The following FOSL2 variants were observed in gnomAD, a reference collection of about 807,000 sequenced individuals.
FOSL2 encodes the protein FOS like 2, AP-1 transcription factor subunit, also known as fos-related antigen 2.
A neutral mutation model predicts 27.7 loss-of-function variants in FOSL2; 3 were observed. The observed-to-expected ratio is 0.11, with a 90% confidence interval of 0.05 to 0.28. FOSL2 has a LOEUF of 0.28. FOSL2 is among the 10% of genes least tolerant of loss of function. The pLI, the probability that FOSL2 is intolerant of heterozygous loss-of-function variation, is 1.00. For synonymous variants in FOSL2, 179 were observed against 190.1 expected (o/e 0.94, Z 0.48); for missense variants, 333 against 445.1 (o/e 0.75, Z 2.27).
At position 28,393,092 on chromosome 2, in the gene FOSL2, C is replaced by G. The variant is rs1028322602; in HGVS notation, c.-629C>G. The G allele has an allele frequency of 2.4e-6, 1 of 422,214 alleles. No homozygotes were observed. Among genetic ancestry groups the G allele is most frequent in the South Asian group, 3.5e-5 (1 of 28,562 alleles). 26.2% of individuals were successfully genotyped at this position (422,214 alleles called of 1,614,324 possible). ...CAGCGCCAGCTCTACTTGAGCCCCA[C>G]GAGCCGCTGTCCCCCTGGCGCGCTC... is the stretch of plus-strand genomic sequence containing the variant. On this transcript the variant is annotated 5_prime_UTR_variant, in exon 1 of 4. Transcript: ENST00000264716. The surrounding 1 kb of genome is among the most constrained non-coding windows in gnomAD (Gnocchi z 4.6).
chr2:28,412,482 G>A lies in FOSL2; in HGVS notation c.*34G>A. 3 of 1,580,680 alleles carry A rather than the reference G, an allele frequency of 1.9e-6. No individual in the cohort carries two copies. Among genetic ancestry groups the A allele is most frequent in the Non-Finnish European group, 1.7e-6 (2 of 1,167,768 alleles). ...ACCTCCCTCCCCAGCTCCGGAGGGG[G>A]TCCTCCTCGCTCCTCCTTCCCAGGG... On this transcript the variant is annotated 3_prime_UTR_variant, in exon 4 of 4. Transcript: ENST00000264716. The surrounding 1 kb of genome is among the most constrained non-coding windows in gnomAD (Gnocchi z 7.1).
In FOSL2 at chr2:28,393,888, C is replaced by T. The variant is rs899642097; in HGVS notation, c.102+66C>T. On this transcript the variant is annotated intron_variant, in intron 1 of 3. Coordinates refer to ENST00000264716, the MANE Select transcript of FOSL2 (RefSeq NM_005253.4). The surrounding 1 kb of genome is among the most constrained non-coding windows in gnomAD (Gnocchi z 4.6). ...CCCTGCCCTCTTCTCGCCGCCACTG[C>T]CTCTTTTGCTTTCTTTTCTTTTTCT... is the stretch of plus-strand genomic sequence containing the variant. 1.9e-6 allele frequency: 2 copies of T among 1,058,372 alleles called. No individual in the cohort carries two copies. The highest frequency in any genetic ancestry group is 2.8e-6 in the Non-Finnish European group (2 of 726,458). 65.6% of individuals were successfully genotyped at this position (1,058,372 alleles called of 1,614,324 possible). A position where few individuals can be genotyped will look rare whatever the true frequency, so the allele number is the denominator to read the frequency against.
intron 1 of FOSL2, chr2:28,396,838 A>ACACAAACACACACACACACACACACAC (rs1663854590): frequency 6.7e-6 from 1 of 150,372 alleles, no homozygotes; most frequent in African/African-American, 2.5e-5. Flanking sequence ...ACACACACAC[A>ACACAAACACACACACACACACACACAC]AAATTCCCCA....
Position 28,393,064 on chromosome 2 carries a change from T to C in FOSL2, c.-657T>C. On this transcript the variant is annotated 5_prime_UTR_variant, in exon 1 of 4. Transcript: ENST00000264716. This position sits in a 1 kb window ranked among gnomAD's most constrained non-coding sequence, Gnocchi z 4.6. ...GGAGCGGGGAGCGGGGCCGCGTCCC[T>C]CTCAGCGCCAGCTCTACTTGAGCCC... 1 of 495,652 alleles carries C rather than the reference T, an allele frequency of 2.0e-6. No individual in the cohort carries two copies. The allele number at this position is 495,652 out of a possible 1,614,324, so 30.7% of individuals were successfully genotyped here.
rs1664257249 is a variant in FOSL2, at chr2:28,413,787, C to G, written c.*1339C>G. ...TCTTCTGGCCCAGGCAGCAAGCAAGCTGTGAACAGCTGGCCTGAGCTGTCG... is the reference window on the plus strand; with the variant it reads ...TCTTCTGGCCCAGGCAGCAAGCAAGGTGTGAACAGCTGGCCTGAGCTGTCG... On this transcript the variant is annotated 3_prime_UTR_variant, in exon 4 of 4. Transcript: ENST00000264716. The G allele has an allele frequency of 2.5e-6, 1 of 398,770 alleles. No individual in the cohort carries two copies. Among genetic ancestry groups the G allele is most frequent in the Admixed American group, 4.4e-5 (1 of 22,724 alleles). 24.7% of individuals were successfully genotyped at this position (398,770 alleles called of 1,614,324 possible). A position where few individuals can be genotyped will look rare whatever the true frequency, so the allele number is the denominator to read the frequency against.
intron 1 of FOSL2, among the ~76,000 whole-genome samples, chr2:28,396,503 C>T (rs949885706): frequency 6.6e-6 from 1 of 151,976 alleles, no homozygotes; most frequent in Non-Finnish European, 1.5e-5. Flanking sequence ...CCTAGGAAAA[C>T]ATCTCCCAGA....
At chr2:28,411,878 G>T (rs1309070331) in intron 3 of FOSL2, 52 bp from the exon 4 acceptor site, 1 of 1,603,630 alleles carries the variant, frequency 6.2e-7, no homozygotes, top group African/African-American at 1.3e-5. Context: ...TTCCTGCCTA[G>T]ATTGGTCCCT....
At position 28,415,555 on chromosome 2, in the gene FOSL2, T is replaced by C. The variant is rs1664295245; in HGVS notation, c.*3107T>C. 1.3e-5 allele frequency: 2 copies of C among 152,234 alleles called. No individual in the cohort carries two copies. Among genetic ancestry groups the C allele is most frequent in the South Asian group, 4.1e-4 (2 of 4,834 alleles). The allele number at this position is 152,234 out of a possible 1,614,324, so 9.4% of individuals were successfully genotyped here. On this transcript the variant is annotated 3_prime_UTR_variant, in exon 4 of 4. Transcript: ENST00000264716. ...CACTTGATTCCAAGTGTGGTTGAAT[T>C]GTCTGGAGCACTGGGACTTTTTTTC...
Position 28,413,145 on chromosome 2 carries a change from TC to T in FOSL2, c.*699del, listed in dbSNP as rs1664238320. On this transcript the variant is annotated 3_prime_UTR_variant, in exon 4 of 4. Coordinates refer to ENST00000264716, the MANE Select transcript of FOSL2 (RefSeq NM_005253.4). The stretch of plus-strand genomic sequence containing the variant: ...ATCACTGGGAGGCTCAGAGGACCCT[TC>T]CTGCCCACCTTCGGAGACGGCTTCT... 1 of 203,542 alleles carries T rather than the reference TC, an allele frequency of 4.9e-6. No individual in the cohort carries two copies. The highest frequency in any genetic ancestry group is 6.0e-5 in the Admixed American group (1 of 16,692). 12.6% of individuals were successfully genotyped at this position (203,542 alleles called of 1,614,324 possible).
rs1326192608 is a variant in FOSL2 at position 28,393,516 on chromosome 2, G to T, written c.-205G>T. The T allele has an allele frequency of 1.8e-6, 1 of 546,376 alleles. No homozygotes were observed. The highest frequency in any genetic ancestry group is 3.3e-6 in the Non-Finnish European group (1 of 307,240). The allele number at this position is 546,376 out of a possible 1,614,324, so 33.8% of individuals were successfully genotyped here. On this transcript the variant is annotated 5_prime_UTR_variant, in exon 1 of 4. Coordinates refer to ENST00000264716, the MANE Select transcript of FOSL2 (RefSeq NM_005253.4). The surrounding 1 kb of genome is among the most constrained non-coding windows in gnomAD (Gnocchi z 4.6). The stretch of plus-strand genomic sequence containing the variant: ...GCTCGCAGAGCCGGAAAGAAGTGCT[G>T]TAAGGGACGCTCGGGGGACGCTGTT...
intron 1 of FOSL2, among the ~76,000 whole-genome samples, chr2:28,398,773 T>C (rs542044347): frequency 6.6e-6 from 1 of 152,348 alleles, no homozygotes; most frequent in African/African-American, 2.4e-5. Flanking sequence ...TAGCAACAGT[T>C]TCCATTGTGA....
Position 28,414,261 on chromosome 2 carries a change from T to G in FOSL2, c.*1813T>G. On this transcript the variant is annotated 3_prime_UTR_variant, in exon 4 of 4. Coordinates refer to ENST00000264716, the MANE Select transcript of FOSL2 (RefSeq NM_005253.4). Reference sequence around the variant, plus strand: ...ATGAACATGACCTGTTTTCGTGCACTAGACACACAGAGTGGAACAGCCGTA... The same window carrying G: ...ATGAACATGACCTGTTTTCGTGCACGAGACACACAGAGTGGAACAGCCGTA... 1 of 158,928 alleles carries G rather than the reference T, an allele frequency of 6.3e-6. No individual in the cohort carries two copies. Among genetic ancestry groups the G allele is most frequent in the East Asian group, 1.8e-4 (1 of 5,576 alleles). The allele number at this position is 158,928 out of a possible 1,614,324, so 9.8% of individuals were successfully genotyped here.
intron 1 of FOSL2, among the ~76,000 whole-genome samples, chr2:28,394,831 A>G (rs1663777235): frequency 6.6e-6 from 1 of 152,168 alleles, no homozygotes; most frequent in African/African-American, 2.4e-5. Flanking sequence ...CATGAAGCCC[A>G]CCGTGGTCAG....
rs1663704710 is a variant in FOSL2, at chr2:28,392,948, GA to G, written c.-772del. 16 of 589,544 alleles carry G rather than the reference GA, an allele frequency of 2.7e-5. No individual in the cohort carries two copies. In the East Asian group the frequency reaches 4.6e-4, roughly 17 times the overall value. The allele number at this position is 589,544 out of a possible 1,614,324, so 36.5% of individuals were successfully genotyped here. A position where few individuals can be genotyped will look rare whatever the true frequency, so the allele number is the denominator to read the frequency against. The stretch of plus-strand genomic sequence containing the variant: ...CGCTCGGCGGGGACAGAAAGAGGGA[GA>G]GAGAGAGAGAGAGAGAGGGAGAGGC... On this transcript the variant is annotated 5_prime_UTR_variant, in exon 1 of 4. Coordinates refer to ENST00000264716, the MANE Select transcript of FOSL2 (RefSeq NM_005253.4).
At chr2:28,398,618 C>T (rs1663909425) in intron 1 of FOSL2, among the ~76,000 whole-genome samples, 1 of 152,238 alleles carries the variant, frequency 6.6e-6, no homozygotes, top group Non-Finnish European at 1.5e-5. Context: ...TCCTTCCCTG[C>T]TTCTCTTCCC....
intron 1 of FOSL2, chr2:28,397,198 A>G (rs930621311): frequency 1.3e-5 from 2 of 152,166 alleles, no homozygotes; most frequent in Non-Finnish European, 2.9e-5. Flanking sequence ...CAAGTACCCT[A>G]GAACTTAAAG....
chr2:28,398,534 T>C (rs1663906380), intron 1 of FOSL2, among the ~76,000 whole-genome samples: 1 of 152,232 alleles, frequency 6.6e-6, no homozygotes, highest in East Asian at 1.9e-4. Flanking sequence ...GTGGCGCTTC[T>C]GGCCAAAAGG....
At chr2:28,407,485 T>C (rs1664107415) in intron 2 of FOSL2, among the ~76,000 whole-genome samples, 1 of 152,246 alleles carries the variant, frequency 6.6e-6, no homozygotes, top group African/African-American at 2.4e-5. Flanking sequence ...AAGGGAGCAT[T>C]GTGGGACTCT....
chr2:28,414,112 CA>C lies in FOSL2; in HGVS notation c.*1667del. The C allele has an allele frequency of 5.9e-6, 2 of 340,494 alleles. No homozygotes were observed. The highest frequency in any genetic ancestry group is 9.6e-5 in the Admixed American group (2 of 20,882). The allele number at this position is 340,494 out of a possible 1,614,324, so 21.1% of individuals were successfully genotyped here. ...CAGCCTCTGCGGGGCTTGTGCTCTG[CA>C]AAGACTCTGCTGCTGGGGATTCAGC... On this transcript the variant is annotated 3_prime_UTR_variant, in exon 4 of 4. Transcript: ENST00000264716.
Sources: allele counts gnomAD v4.1 joint callset (sites outside exome capture counted in the v4.1 genomes callset), GRCh38; gene constraint gnomAD v4.1.1; non-coding constraint Gnocchi (gnomAD v3.1); transcripts MANE v1.5; gene names NCBI Gene and HGNC (gene_info 2026-07-23, HGNC 2026-07-21).